THRB: variants seen among roughly 807,000 people sequenced by gnomAD.
THRB encodes thyroid hormone receptor beta.
THRB carries 12 observed loss-of-function variants against 47.8 expected under a neutral mutation model. That is an observed-to-expected ratio of 0.25 (90% CI 0.16 to 0.41). The LOEUF (loss-of-function observed/expected upper bound fraction) is 0.41, where lower values mean the gene tolerates loss of function less well. Among genes scored for constraint, THRB ranks in the 10% least tolerant of loss-of-function variants. The pLI is 1.00. For synonymous variants in THRB, 218 were observed against 212.2 expected (o/e 1.03, Z -0.24); for missense variants, 348 against 589.2 (o/e 0.59, Z 4.24).
intron 4 of THRB, among the ~76,000 whole-genome samples, chr3:24,198,743 C>CA (rs1483109923): frequency 6.6e-6 from 1 of 152,038 alleles, no homozygotes; most frequent in Non-Finnish European, 1.5e-5. Context: ...TTAGTGTTCC[C>CA]AAAATGAAGA....
At chr3:24,241,632 G>A (rs931955813) in intron 3 of THRB, among the ~76,000 whole-genome samples, 2 of 152,132 alleles carry the variant, frequency 1.3e-5, no homozygotes, top group African/African-American at 4.8e-5. Flanking sequence ...GATCCAAAAA[G>A]GGGTACCTGC....
intron 1 of THRB, among the ~76,000 whole-genome samples, chr3:24,477,670 G>A (rs1376224412): frequency 6.6e-6 from 1 of 151,814 alleles, no homozygotes; most frequent in Non-Finnish European, 1.5e-5. Flanking sequence ...TGTAGCTAAC[G>A]CTGCCAAAGC....
chr3:24,174,895 A>G (rs1464132880), intron 5 of THRB, among the ~76,000 whole-genome samples: 3 of 152,216 alleles, frequency 2.0e-5, no homozygotes, highest in African/African-American at 7.2e-5. Context: ...GATAAGTGGT[A>G]TTCTCAATGC....
At chr3:24,463,857 G>C (rs936033554) in intron 1 of THRB, among the ~76,000 whole-genome samples, 1 of 152,266 alleles carries the variant, frequency 6.6e-6, no homozygotes, top group South Asian at 2.1e-4. Context: ...TTACATCACA[G>C]TGCCACCACT....
intron 1 of THRB, among the ~76,000 whole-genome samples, chr3:24,382,045 G>GA (rs200719450): frequency 8.0e-5 from 12 of 149,152 alleles, no homozygotes; most frequent in African/African-American, 1.7e-4. Context: ...ATACCTTCTA[G>GA]AAAAAAAAAC....
intron 3 of THRB, among the ~76,000 whole-genome samples, chr3:24,254,278 C>T (rs1403014624): frequency 7.0e-6 from 1 of 143,326 alleles, no homozygotes; most frequent in Non-Finnish European, 1.5e-5. Flanking sequence ...GTCTGTAGTC[C>T]CAGCTACTCA....
At chr3:24,464,163 G>A (rs1185293329) in intron 1 of THRB, among the ~76,000 whole-genome samples, 7 of 151,678 alleles carry the variant, frequency 4.6e-5, no homozygotes, top group South Asian at 2.1e-4. Context: ...GGAGAATGGC[G>A]TGAACCCGGG....
chr3:24,477,483 G>A (rs1348286194), intron 1 of THRB, among the ~76,000 whole-genome samples: 1 of 152,126 alleles, frequency 6.6e-6, no homozygotes, highest in African/African-American at 2.4e-5. Flanking sequence ...GGGTTCAGCA[G>A]GTCTGGGCTG....
intron 3 of THRB, among the ~76,000 whole-genome samples, chr3:24,282,012 A>G (rs1576523742): frequency 7.6e-6 from 1 of 130,902 alleles, no homozygotes; most frequent in African/African-American, 3.4e-5. Flanking sequence ...CACCATCAAC[A>G]TTAGACAGAT....
intron 1 of THRB, among the ~76,000 whole-genome samples, chr3:24,386,143 C>A (rs1383504542): frequency 6.6e-6 from 1 of 152,084 alleles, no homozygotes; most frequent in Non-Finnish European, 1.5e-5. Flanking sequence ...TCCTGAGGCC[C>A]ACGCCTCCAT....
At chr3:24,225,938 GA>G (rs1195850734) in intron 4 of THRB, among the ~76,000 whole-genome samples, 1 of 152,128 alleles carries the variant, frequency 6.6e-6, no homozygotes, top group Non-Finnish European at 1.5e-5. Flanking sequence ...AAAGCAGTGA[GA>G]AAATTTTGGC....
intron 1 of THRB, among the ~76,000 whole-genome samples, chr3:24,354,195 AG>A (rs1489877869): frequency 6.6e-6 from 1 of 152,154 alleles, no homozygotes; most frequent in Non-Finnish European, 1.5e-5. Flanking sequence ...GGACACATAA[AG>A]GGGAGCAACA....
chr3:24,351,805 T>C (rs1394763), intron 1 of THRB, among the ~76,000 whole-genome samples: 7,205 of 152,234 alleles, frequency 0.047, 226 homozygotes, highest in Middle Eastern at 0.092. Flanking sequence ...ATGTCTGTAG[T>C]GCTAGACACA....
At chr3:24,295,252 T>A (rs983465874) in intron 3 of THRB, among the ~76,000 whole-genome samples, 6 of 152,230 alleles carry the variant, frequency 3.9e-5, no homozygotes, top group African/African-American at 1.4e-4. Flanking sequence ...AAGTAATTAA[T>A]ATCTAAAGAT....
intron 3 of THRB, among the ~76,000 whole-genome samples, chr3:24,249,569 A>G (rs1448861740): frequency 1.3e-5 from 2 of 152,148 alleles, no homozygotes; most frequent in East Asian, 3.9e-4. Flanking sequence ...TAAACAATCA[A>G]TGGCTAGGGC....
chr3:24,221,268 T>A (rs1198270838), intron 4 of THRB, among the ~76,000 whole-genome samples: 3 of 152,200 alleles, frequency 2.0e-5, no homozygotes, highest in African/African-American at 7.2e-5. Context: ...GGGAAAATTG[T>A]TTTCTTTTGA....
intron 2 of THRB, among the ~76,000 whole-genome samples, chr3:24,317,306 A>C (rs2058183977): frequency 6.6e-6 from 1 of 152,146 alleles, no homozygotes; most frequent in Admixed American, 6.5e-5. Flanking sequence ...ACATAGATGG[A>C]ATACTGCATG....
At chr3:24,174,318 T>C (rs1451183603) in intron 5 of THRB, among the ~76,000 whole-genome samples, 1 of 152,224 alleles carries the variant, frequency 6.6e-6, no homozygotes, top group Admixed American at 6.5e-5. Flanking sequence ...CTTATCTCTC[T>C]GTAGCTTTGC....
intron 3 of THRB, among the ~76,000 whole-genome samples, chr3:24,230,718 C>T (rs2048174328): frequency 6.6e-6 from 1 of 152,146 alleles, no homozygotes; most frequent in South Asian, 2.1e-4. Flanking sequence ...CACATGCTAC[C>T]ACTCCTGAAT....
Sources: allele counts gnomAD v4.1 joint callset (sites outside exome capture counted in the v4.1 genomes callset), GRCh38; gene constraint gnomAD v4.1.1; transcripts MANE v1.5; gene names NCBI Gene and HGNC (gene_info 2026-07-23, HGNC 2026-07-21).